The following PDZD2 variants were observed in gnomAD, a reference collection of about 807,000 sequenced individuals.
PDZD2 encodes the protein PDZ domain-containing protein 2.
In PDZD2, 90 loss-of-function variants were observed where a neutral mutation model predicts 220.7. That is an observed-to-expected ratio of 0.41 (90% CI 0.34 to 0.49). The LOEUF is 0.49. Among genes scored for constraint, PDZD2 ranks in the 20% least tolerant of loss-of-function variants. The pLI, the probability that PDZD2 is intolerant of heterozygous loss-of-function variation, is 0.28. For synonymous variants in PDZD2, 1,375 were observed against 1,450.5 expected (o/e 0.95, Z 1.18); for missense variants, 3,174 against 3,608.5 (o/e 0.88, Z 3.08).
At chr5:31,888,861 G>C (rs1740759639) in intron 2 of PDZD2, among the ~76,000 whole-genome samples, 1 of 152,146 alleles carries the variant, frequency 6.6e-6, no homozygotes. Context: ...ACCATCGGGA[G>C]AGTGGTCCCA....
chr5:31,876,345 T>G (rs976927065), intron 2 of PDZD2, among the ~76,000 whole-genome samples: 8 of 151,504 alleles, frequency 5.3e-5, no homozygotes, highest in Non-Finnish European at 1.0e-4. Flanking sequence ...CAGGCTGGAG[T>G]GCAGTGGTGT....
At chr5:31,747,613 CA>C (rs1396921656) in intron 1 of PDZD2, 3 of 152,316 alleles carry the variant, frequency 2.0e-5, no homozygotes, top group African/African-American at 7.2e-5. Flanking sequence ...AAGGAGTTCA[CA>C]GTAAGAGTTC....
chr5:32,019,521 G>A (rs1376025145), intron 6 of PDZD2, among the ~76,000 whole-genome samples: 3 of 152,226 alleles, frequency 2.0e-5, no homozygotes, highest in Non-Finnish European at 4.4e-5. Flanking sequence ...ACCCAGAGGA[G>A]AAGCCAGATG....
At chr5:31,860,325 C>T (rs1192788465) in intron 2 of PDZD2, among the ~76,000 whole-genome samples, 2 of 152,148 alleles carry the variant, frequency 1.3e-5, no homozygotes, top group African/African-American at 4.8e-5. Flanking sequence ...CCCCCAATTC[C>T]AGAGGCGCTC....
At chr5:31,882,752 G>A (rs1436697531) in intron 2 of PDZD2, among the ~76,000 whole-genome samples, 1 of 152,010 alleles carries the variant, frequency 6.6e-6, no homozygotes, top group Non-Finnish European at 1.5e-5. Context: ...GTCTGGGCCA[G>A]ATACAGTGGC....
intron 1 of PDZD2, among the ~76,000 whole-genome samples, chr5:31,706,951 AC>A (rs1181712392): frequency 1.3e-5 from 2 of 151,884 alleles, no homozygotes; most frequent in Admixed American, 6.6e-5. Flanking sequence ...TGAAGCCTTA[AC>A]CCCCAGCATG....
chr5:31,693,400 C>G (rs1747227929), intron 1 of PDZD2, among the ~76,000 whole-genome samples: 1 of 151,994 alleles, frequency 6.6e-6, no homozygotes, highest in African/African-American at 2.4e-5. Flanking sequence ...CACCACCACA[C>G]CAGGCTAATT....
chr5:31,942,994 G>A (rs539904715), intron 2 of PDZD2, among the ~76,000 whole-genome samples: 1 of 152,320 alleles, frequency 6.6e-6, no homozygotes, highest in South Asian at 2.1e-4. Flanking sequence ...CCTGAGGTCA[G>A]GAGTTCGAGA....
intron 2 of PDZD2, among the ~76,000 whole-genome samples, chr5:31,924,786 G>A (rs1561093371): frequency 1.3e-5 from 2 of 152,232 alleles, no homozygotes; most frequent in Non-Finnish European, 2.9e-5. Flanking sequence ...AGCTCCCAGA[G>A]CCTTGAGGCA....
At position 32,010,398 on chromosome 5, in the gene PDZD2, A is replaced by T; in HGVS notation, c.1323A>T (p.Glu441Asp). The change falls in exon 6 of 25, where the codon GAA becomes GAT. Residue 441 changes from glutamate to aspartate, a missense_variant. This residue lies in a region of PDZD2 where 632 missense variants were observed against 708.1 expected (regional missense o/e 0.89). Coordinates refer to ENST00000438447, the MANE Select transcript of PDZD2 (RefSeq NM_178140.4). ...KSLPDLTSSV[E>D]DVSSWTDNED... ...TGCCAGATCTGACCAGCTCGGTAGA[A>T]GATGTGTCCTCCTGGACTGATAACG... The T allele has an allele frequency of 1.2e-6, 2 of 1,612,146 alleles. No individual in the cohort carries two copies. Among genetic ancestry groups the T allele is most frequent in the Non-Finnish European group, 1.7e-6 (2 of 1,178,220 alleles).
At chr5:31,809,028 AAC>A (rs1380331131) in intron 2 of PDZD2, among the ~76,000 whole-genome samples, 1 of 152,202 alleles carries the variant, frequency 6.6e-6, no homozygotes, top group Non-Finnish European at 1.5e-5. Flanking sequence ...ATGGTTTTTT[AAC>A]AGTTTATTAT....
intron 1 of PDZD2, among the ~76,000 whole-genome samples, chr5:31,666,770 A>G (rs1273275409): frequency 6.6e-6 from 1 of 152,240 alleles, no homozygotes; most frequent in East Asian, 1.9e-4. Context: ...CAGAAACTGA[A>G]GGCAAAATAT....
At chr5:32,068,214 T>C (rs895016646) in intron 14 of PDZD2, among the ~76,000 whole-genome samples, 2 of 152,132 alleles carry the variant, frequency 1.3e-5, no homozygotes, top group African/African-American at 2.4e-5. Context: ...AAGGTTTGGA[T>C]TGGCCTGGTT....
chr5:32,080,834 C>T (rs1034702835), intron 19 of PDZD2, among the ~76,000 whole-genome samples: 22 of 152,112 alleles, frequency 1.4e-4, no homozygotes, highest in African/African-American at 5.3e-4. Context: ...AAACCAAACA[C>T]CACATGTTCT....
intron 2 of PDZD2, among the ~76,000 whole-genome samples, chr5:31,876,027 GA>G (rs1411538619): frequency 6.6e-6 from 1 of 152,086 alleles, no homozygotes; most frequent in Non-Finnish European, 1.5e-5. Context: ...GAATTTCACT[GA>G]AGTTATTAAT....
chr5:31,749,886 A>G (rs914202667), intron 1 of PDZD2, among the ~76,000 whole-genome samples: 1 of 152,076 alleles, frequency 6.6e-6, no homozygotes, highest in Non-Finnish European at 1.5e-5. Flanking sequence ...TGAGGCTCTC[A>G]GTGGGGATAA....
chr5:31,861,810 C>T (rs1737731602), intron 2 of PDZD2, among the ~76,000 whole-genome samples: 1 of 152,138 alleles, frequency 6.6e-6, no homozygotes, highest in Admixed American at 6.5e-5. Flanking sequence ...ATGAAACAAG[C>T]TCCGGAAGTG....
At chr5:31,779,811 G>T (rs536746190) in intron 1 of PDZD2, among the ~76,000 whole-genome samples, 3 of 152,092 alleles carry the variant, frequency 2.0e-5, no homozygotes, top group Non-Finnish European at 4.4e-5. Flanking sequence ...TGGTATGCCT[G>T]TTCTCATCTC....
chr5:31,829,518 T>C (rs1172844149), intron 2 of PDZD2, among the ~76,000 whole-genome samples: 5 of 151,862 alleles, frequency 3.3e-5, no homozygotes, highest in African/African-American at 1.2e-4. Flanking sequence ...GGTTTCACCA[T>C]GTTGGCATGG....
Sources: allele counts gnomAD v4.1 joint callset (sites outside exome capture counted in the v4.1 genomes callset), GRCh38; gene constraint gnomAD v4.1.1; regional missense constraint gnomAD v4.1.1; transcripts MANE v1.5; gene names NCBI Gene and HGNC (gene_info 2026-07-23, HGNC 2026-07-21).